The following KLHL21 variants were observed in gnomAD, a reference collection of about 807,000 sequenced individuals.
The protein encoded by KLHL21 is kelch-like protein 21.
KLHL21 carries 42 observed loss-of-function variants against 44.1 expected under a neutral mutation model. The ratio of observed to expected loss-of-function variants is 0.95; its 90% CI spans 0.74 to 1.23. KLHL21 has a LOEUF of 1.23. Among genes scored for constraint, KLHL21 ranks in the 50% most tolerant of loss-of-function variants. KLHL21 has a pLI of 0.00. For synonymous variants in KLHL21, 524 were observed against 411.6 expected (o/e 1.27, Z -3.31); for missense variants, 918 against 889.1 (o/e 1.03, Z -0.41).
intron 3 of KLHL21, chr1:6,594,157 A>G: frequency 1.2e-6 from 1 of 834,248 alleles, no homozygotes. Flanking sequence ...CAGGACATTA[A>G]GCTGTGATGT....
chr1:6,593,592 T>C lies in KLHL21; in HGVS notation c.1567A>G (p.Thr523Ala). The C allele has an allele frequency of 2.5e-6, 4 of 1,613,166 alleles. No individual in the cohort carries two copies. The highest frequency in any genetic ancestry group is 3.4e-6 in the Non-Finnish European group (4 of 1,179,406). The change falls in exon 4 of 4, where the codon ACA becomes GCA. Residue 523 changes from threonine (T) to alanine (A), a missense_variant. Thr to Ala is a moderately conservative substitution (Grantham distance 58, BLOSUM62 0). Transcript: ENST00000377658. Reference sequence around the variant, plus strand: ...TCTACCACGTCCGAGAGTTCAAATGTATTGTCGTATCCCCCAGAGACGTAC... The same window carrying C: ...TCTACCACGTCCGAGAGTTCAAATGCATTGTCGTATCCCCCAGAGACGTAC... Reference protein sequence around the residue: ...KLYVSGGYDNTFELSDVVEAY... With the variant: ...KLYVSGGYDNAFELSDVVEAY...
chr1:6,599,406 G>C lies in KLHL21; in HGVS notation c.1068C>G (p.Asn356Lys), dbSNP rs751230069. The C allele has an allele frequency of 4.3e-6, 7 of 1,613,228 alleles. No individual in the cohort carries two copies. In the South Asian group the frequency reaches 7.7e-5, roughly 18 times the overall value. The change falls in exon 2 of 4, where the codon AAC becomes AAG. Residue 356 changes from asparagine (N) to lysine (K), a missense_variant. Transcript: ENST00000377658. ...CCTCCGCCCACTCATTCACGCTTGAGTTGTACCTCCACACGCAGTCATAGA... is the reference window on the plus strand; with the variant it reads ...CCTCCGCCCACTCATTCACGCTTGACTTGTACCTCCACACGCAGTCATAGA... ...SRLYDCVWRY[N>K]SSVNEWAEVA...
Position 6,592,647 on chromosome 1 carries a change from C to G in KLHL21, c.*718G>C, listed in dbSNP as rs1640866773. On this transcript the variant is annotated 3_prime_UTR_variant, in exon 4 of 4. Coordinates refer to ENST00000377658, the MANE Select transcript of KLHL21 (RefSeq NM_014851.4). ...TGGCTGGGTGTCAATGATCACCTCCCAGGGCCTCCCGGGAAGGAGAGGGTG... is the reference window on the plus strand; with the variant it reads ...TGGCTGGGTGTCAATGATCACCTCCGAGGGCCTCCCGGGAAGGAGAGGGTG... 6.6e-6 allele frequency: 1 copy of G among 152,280 alleles called. No individual in the cohort carries two copies. The highest frequency in any genetic ancestry group is 1.5e-5 in the Non-Finnish European group (1 of 68,098). 9.4% of individuals were successfully genotyped at this position (152,280 alleles called of 1,614,324 possible).
intron 3 of KLHL21, 147 bp from the exon 4 acceptor site, chr1:6,593,805 C>T: frequency 7.2e-7 from 1 of 1,382,440 alleles, no homozygotes; most frequent in East Asian, 2.6e-5. Context: ...AGAGGCCAAC[C>T]CCTTTCCAAC....
Position 6,590,886 on chromosome 1 carries a change from A to G in KLHL21, c.*2479T>C. The G allele has an allele frequency of 2.5e-6, 1 of 398,572 alleles. No individual in the cohort carries two copies. The allele number at this position is 398,572 out of a possible 1,614,324, so 24.7% of individuals were successfully genotyped here. A position where few individuals can be genotyped will look rare whatever the true frequency, so the allele number is the denominator to read the frequency against. On this transcript the variant is annotated 3_prime_UTR_variant, in exon 4 of 4. Coordinates refer to ENST00000377658, the MANE Select transcript of KLHL21 (RefSeq NM_014851.4). ...GGACACTGGAGGGAGGGCGTCCTTT[A>G]TTACATACGCGTCTCTGAAGTCATA... is the stretch of plus-strand genomic sequence containing the variant.
intron 3 of KLHL21, 141 bp from the exon 4 acceptor site, chr1:6,593,799 G>A: frequency 1.4e-6 from 2 of 1,386,276 alleles, no homozygotes; most frequent in Non-Finnish European, 1.9e-6. Context: ...CAGCAGAGAG[G>A]CCAACCCCTT....
intron 1 of KLHL21, among the ~76,000 whole-genome samples, chr1:6,601,069 C>A (rs529855740): frequency 6.6e-6 from 1 of 152,216 alleles, no homozygotes; most frequent in African/African-American, 2.4e-5. Context: ...CCTTATATAG[C>A]AGTCACAGAG....
At chr1:6,597,117 G>T (rs1222409967) in intron 2 of KLHL21, among the ~76,000 whole-genome samples, 1 of 152,228 alleles carries the variant, frequency 6.6e-6, no homozygotes, top group Non-Finnish European at 1.5e-5. Context: ...TCTGTGCTCC[G>T]GCACAGGTCA....
Position 6,602,542 on chromosome 1 carries a change from G to A in KLHL21, c.276C>T (p.Asp92=), listed in dbSNP as rs781666516. 11 of 1,538,612 alleles carry A rather than the reference G, an allele frequency of 7.1e-6. No homozygotes were observed. The highest frequency in any genetic ancestry group is 1.2e-5 in the South Asian group (1 of 84,210). The change falls in exon 1 of 4, where the codon GAC becomes GAT. Residue 92 remains aspartate (D), a synonymous_variant. Coordinates refer to ENST00000377658, the MANE Select transcript of KLHL21 (RefSeq NM_014851.4). Reference sequence around the variant, plus strand: ...CCGCCACGCGGCCCGTGTAGCTGAAGTCCAGCAGCAGCTGCAGCATGTCGG... The same window carrying A: ...CCGCCACGCGGCCCGTGTAGCTGAAATCCAGCAGCAGCTGCAGCATGTCGG... The part of the protein sequence containing the change: ...VPPDMLQLLL[D]FSYTGRVAVS...
At chr1:6,595,274 T>C in intron 3 of KLHL21, 1 of 648,556 alleles carries the variant, frequency 1.5e-6, no homozygotes, top group Non-Finnish European at 2.9e-6. Flanking sequence ...ACTGCTCAAA[T>C]GTGTACTAAG....
In KLHL21 at chr1:6,599,067, G is replaced by C. The variant is rs141078522; in HGVS notation, c.1407C>G (p.Asn469Lys). ...WSFAPKTATL[N>K]GLMYFVRDDS... The stretch of plus-strand genomic sequence containing the variant: ...CTCACCTGACAAAGTACATGAGTCC[G>C]TTTAGAGTCGCAGTCTTGGGGGCGA... Residue 469 changes from asparagine (N) to lysine (K), a missense_variant, in exon 2 of 4, where the codon AAC (asparagine) becomes AAG (lysine). By Grantham distance (94) the Asn-to-Lys change is moderately conservative. Transcript: ENST00000377658. The C allele has an allele frequency of 3.8e-6, 6 of 1,597,830 alleles. No individual in the cohort carries two copies. Among genetic ancestry groups the C allele is most frequent in the Non-Finnish European group, 4.3e-6 (5 of 1,171,464 alleles).
rs1640844989 is a variant in KLHL21 at position 6,591,218 on chromosome 1, C to T, written c.*2147G>A. The T allele has an allele frequency of 7.8e-6, 3 of 385,374 alleles. No homozygotes were observed. Among genetic ancestry groups the T allele is most frequent in the Non-Finnish European group, 9.2e-6 (2 of 217,878 alleles). 23.9% of individuals were successfully genotyped at this position (385,374 alleles called of 1,614,324 possible). ...CCTGGTTTTCCCCATACTTGGTCTTCTAAACCCAAAGACAGGGTCCTGATG... is the reference window on the plus strand; with the variant it reads ...CCTGGTTTTCCCCATACTTGGTCTTTTAAACCCAAAGACAGGGTCCTGATG... On this transcript the variant is annotated 3_prime_UTR_variant, in exon 4 of 4. Transcript: ENST00000377658.
rs571713856 is a variant in KLHL21, at chr1:6,599,322, C to T, written c.1152G>A (p.Leu384=). Residue 384 remains leucine, a synonymous_variant, in exon 2 of 4, where the codon CTG becomes CTA. Transcript: ENST00000377658. ...YHSSSVLDGL[L]YVVAADSTER... Reference sequence around the variant, plus strand: ...CGGTGCTGTCGGCGGCCACCACGTACAGCAGTCCGTCCAGCACAGAGGAGC... The same window carrying T: ...CGGTGCTGTCGGCGGCCACCACGTATAGCAGTCCGTCCAGCACAGAGGAGC... The T allele has an allele frequency of 2.5e-6, 4 of 1,613,980 alleles. No homozygotes were observed. Among genetic ancestry groups the T allele is most frequent in the Admixed American group, 1.7e-5 (1 of 60,024 alleles).
Position 6,602,352 on chromosome 1 carries a change from C to A in KLHL21, c.466G>T (p.Ala156Ser). 6.4e-7 allele frequency: 1 copy of A among 1,565,918 alleles called. No individual in the cohort carries two copies. The change falls in exon 1 of 4, where the codon GCG (alanine) becomes TCG (serine). Residue 156 changes from alanine (A) to serine (S), a missense_variant. Ala to Ser is a moderately conservative substitution (Grantham distance 99). Transcript: ENST00000377658. ...TGGCGCAGAATGAACCGCTGCGCCG[C>A]GCTCGCCAGTCCCGAGCAGCTGAAG... Reference protein sequence around the residue: ...EAFSCSGLASAAQRFILRHVG... With the variant: ...EAFSCSGLASSAQRFILRHVG...
chr1:6,596,545 T>A (rs1640930152), intron 2 of KLHL21, among the ~76,000 whole-genome samples: 1 of 152,250 alleles, frequency 6.6e-6, no homozygotes, highest in Non-Finnish European at 1.5e-5. Flanking sequence ...AGCCTGGCTG[T>A]GTGCCAAGAA....
intron 2 of KLHL21, among the ~76,000 whole-genome samples, chr1:6,598,308 G>C (rs888228392): frequency 2.6e-5 from 4 of 152,162 alleles, no homozygotes; most frequent in African/African-American, 4.8e-5. Flanking sequence ...GGTGGCTTGT[G>C]CCTATAATCC....
intron 3 of KLHL21, 80 bp downstream of exon 3, chr1:6,595,405 A>T: frequency 7.6e-7 from 1 of 1,321,370 alleles, no homozygotes; most frequent in Non-Finnish European, 1.1e-6. Flanking sequence ...TGTGGATCCC[A>T]AACACTCATC....
chr1:6,593,243 G>T lies in KLHL21; in HGVS notation c.*122C>A. ...AGGTAATGGATCCTGGGCTGGCTTC[G>T]CCACCCAAGAGCCTGTGCTCCTCCT... On this transcript the variant is annotated 3_prime_UTR_variant, in exon 4 of 4. Transcript: ENST00000377658. 1 of 1,104,616 alleles carries T rather than the reference G, an allele frequency of 9.1e-7. No individual in the cohort carries two copies. Among genetic ancestry groups the T allele is most frequent in the Non-Finnish European group, 1.3e-6 (1 of 793,440 alleles). 68.4% of individuals were successfully genotyped at this position (1,104,616 alleles called of 1,614,324 possible).
chr1:6,594,191 G>T, intron 3 of KLHL21: 4 of 571,548 alleles, frequency 7.0e-6, no homozygotes, highest in Non-Finnish European at 8.9e-6. Flanking sequence ...GGATGTCACG[G>T]AGTGTAGGTT....
Sources: allele counts gnomAD v4.1 joint callset (sites outside exome capture counted in the v4.1 genomes callset), GRCh38; gene constraint gnomAD v4.1.1; transcripts MANE v1.5; gene names NCBI Gene and HGNC (gene_info 2026-07-23, HGNC 2026-07-21).